Variants in AIPL1 observed in about 807,000 individuals in gnomAD.
AIPL1 encodes AIP like 1 HSP90 co-chaperone, also known as aryl-hydrocarbon-interacting protein-like 1.
In AIPL1, 23 loss-of-function variants were observed where a neutral mutation model predicts 32.9. That is an observed-to-expected ratio of 0.70 (90% CI 0.50 to 0.99). AIPL1 has a LOEUF of 0.99. Among genes scored for constraint, AIPL1 ranks in the 50% least tolerant of loss-of-function variants. AIPL1 has a pLI of 0.00. For missense variants in AIPL1, 485 were observed against 506.0 expected, an observed-to-expected ratio of 0.96 and a Z score of 0.40; for synonymous variants, 210 against 209.4, an observed-to-expected ratio of 1.00 and a Z score of -0.02.
chr17:6,435,033 G>A lies in AIPL1; in HGVS notation c.72C>T (p.Leu24=). 1 of 1,614,180 alleles carries A rather than the reference G, an allele frequency of 6.2e-7. No individual in the cohort carries two copies. Among genetic ancestry groups the A allele is most frequent in the Non-Finnish European group, 8.5e-7 (1 of 1,180,042 alleles). ...KTILHGGTGE[L]PNFITGSRVI... is the part of the protein sequence containing the mutation. The stretch of plus-strand genomic sequence containing the variant: ...CTCGGGATCCGGTGATGAAGTTTGG[G>A]AGCTCGCCCGTGCCCCCGTGCAGAA... Residue 24 remains leucine, a synonymous_variant, in exon 1 of 6, where the codon CTC becomes CTT. Transcript: ENST00000381129.
At chr17:6,426,488 G>A (rs770310659) in intron 5 of AIPL1, 127 bp downstream of exon 5, 15 of 1,517,866 alleles carry the variant, frequency 9.9e-6, no homozygotes, top group East Asian at 9.8e-5. Context: ...GGGGAAACCC[G>A]GCTGGGTGGA....
At chr17:6,430,471 A>AAAC (rs1912492414) in intron 2 of AIPL1, among the ~76,000 whole-genome samples, 2 of 150,602 alleles carry the variant, frequency 1.3e-5, no homozygotes, top group Admixed American at 1.3e-4. Context: ...AAAAAAAAAA[A>AAAC]AAAAAAAAAC....
intron 5 of AIPL1, 164 bp from the exon 6 acceptor site, chr17:6,425,994 A>T (rs1333404635): frequency 9.4e-7 from 1 of 1,067,238 alleles, no homozygotes; most frequent in Non-Finnish European, 1.3e-6. Flanking sequence ...GATGGAGATG[A>T]TGATCATAAT....
At chr17:6,430,481 C>A (rs200123705) in intron 2 of AIPL1, among the ~76,000 whole-genome samples, 625 of 76,012 alleles carry the variant, frequency 8.2e-3, no homozygotes, top group South Asian at 0.013. Flanking sequence ...AAAAAAAAAA[C>A]AGTTACCAGC....
At chr17:6,426,427 G>T (rs771762603) in intron 5 of AIPL1, 188 bp downstream of exon 5, 21 of 1,453,306 alleles carry the variant, frequency 1.4e-5, no homozygotes, top group South Asian at 8.4e-5. Flanking sequence ...ATAAAGGGCC[G>T]CCCCGCGCCA....
At position 6,426,873 on chromosome 17, in the gene AIPL1, C is replaced by T. The variant is rs781135512; in HGVS notation, c.642+8G>A. 2.5e-6 allele frequency: 4 copies of T among 1,614,104 alleles called. No individual in the cohort carries two copies. The Admixed American group carries it at 6.7e-5, about 27-fold the overall frequency. On this transcript the variant is annotated splice_region_variant and intron_variant, in intron 4 of 5. Coordinates refer to ENST00000381129, the MANE Select transcript of AIPL1 (RefSeq NM_014336.5). ...GCCACTTCCCACCCCTGGCCAGCGG[C>T]CTCTGACCTTGGTCTGCAGGTTCCT...
intron 3 of AIPL1, among the ~76,000 whole-genome samples, 181 bp from the exon 4 acceptor site, chr17:6,427,238 C>T (rs759610191): frequency 3.6e-4 from 55 of 152,196 alleles, no homozygotes; most frequent in Non-Finnish European, 6.0e-4. Flanking sequence ...TGTCTTTGTG[C>T]AAACTAGGAA....
At chr17:6,426,303 T>G in intron 5 of AIPL1, 1 of 1,356,344 alleles carries the variant, frequency 7.4e-7, no homozygotes. Flanking sequence ...AGTACCGACA[T>G]CATAATATTT....
Position 6,434,356 on chromosome 17 carries a change from C to CTTTTT in AIPL1, c.97-263_97-259dup, listed in dbSNP as rs71381392. On this transcript the variant is annotated intron_variant, in intron 1 of 5. Transcript: ENST00000381129. ...ATCCTTCCTCAAGTAAGCCCGAGTT[C>CTTTTT]TTTTTTTTTTTTTTTTTTCTGAGAC... Among the ~76,000 whole-genome samples the CTTTTT allele has an allele frequency of 6.2e-3, 655 of 104,986 alleles. 41 individuals carry two copies. Among genetic ancestry groups the CTTTTT allele is most frequent in the African/African-American group, 0.022 (591 of 26,632 alleles). 68.9% of individuals were successfully genotyped at this position (104,986 alleles called of 152,430 possible). A position where few individuals can be genotyped will look rare whatever the true frequency, so the allele number is the denominator to read the frequency against.
rs1911911557 is a variant in AIPL1 at position 6,425,998 on chromosome 17, T to C, written c.785-168A>G. On this transcript the variant is annotated intron_variant, in intron 5 of 5. Coordinates refer to ENST00000381129, the MANE Select transcript of AIPL1 (RefSeq NM_014336.5). ...CTCAACTGTAAGATGGAGATGATGA[T>C]CATAATAGCAGTACCTCCTCCTCTC... The C allele has an allele frequency of 3.8e-6, 4 of 1,058,128 alleles. No homozygotes were observed. In the African/African-American group the frequency reaches 4.8e-5, roughly 13 times the overall value. 65.5% of individuals were successfully genotyped at this position (1,058,128 alleles called of 1,614,324 possible). A position where few individuals can be genotyped will look rare whatever the true frequency, so the allele number is the denominator to read the frequency against.
At position 6,425,609 on chromosome 17, in the gene AIPL1, C is replaced by T. The variant is rs143092701; in HGVS notation, c.1006G>A (p.Ala336Thr). Residue 336 changes from alanine (A) to threonine (T), a missense_variant, in exon 6 of 6, where the codon GCA becomes ACA. Physicochemically the swap from Ala to Thr is moderately conservative, Grantham distance 58. Transcript: ENST00000381129. The part of the protein sequence containing the change: ...MLSQGATQPP[A>T]EPPTEPPAQS... Reference sequence around the variant, plus strand: ...GCGGGTGGCTCTGTGGGTGGCTCTGCGGGAGGCTGCGTGGCACCCTGGCTC... The same window carrying T: ...GCGGGTGGCTCTGTGGGTGGCTCTGTGGGAGGCTGCGTGGCACCCTGGCTC... 4,498 of 1,613,164 alleles carry T rather than the reference C, an allele frequency of 2.8e-3. 6 individuals carry two copies. Among genetic ancestry groups the T allele is most frequent in the Non-Finnish European group, 3.5e-3 (4,110 of 1,179,854 alleles).
At chr17:6,432,325 A>G (rs1421396810) in intron 2 of AIPL1, among the ~76,000 whole-genome samples, 1 of 151,950 alleles carries the variant, frequency 6.6e-6, no homozygotes, top group Non-Finnish European at 1.5e-5. Context: ...CAGTGAGCCA[A>G]GATCACGCTA....
In AIPL1 at chr17:6,425,307, G is replaced by GTT. The variant is rs77115868; in HGVS notation, c.*151_*152dup. On this transcript the variant is annotated 3_prime_UTR_variant, in exon 6 of 6. Coordinates refer to ENST00000381129, the MANE Select transcript of AIPL1 (RefSeq NM_014336.5). ...TAAGCTCTTCTGTACCCTTGGGATT[G>GTT]TTTTTTTTTTTTTTTTTACCATGGG... is the stretch of plus-strand genomic sequence containing the variant. 12,523 of 742,846 alleles carry GTT rather than the reference G, an allele frequency of 0.017. 223 individuals are homozygous for GTT. The highest frequency in any genetic ancestry group is 0.083 in the African/African-American group (4,259 of 51,608). The allele number at this position is 742,846 out of a possible 1,614,324, so 46.0% of individuals were successfully genotyped here.
intron 4 of AIPL1, 35 bp downstream of exon 4, chr17:6,426,846 G>C (rs1394069421): frequency 1.2e-6 from 2 of 1,613,252 alleles, no homozygotes; most frequent in South Asian, 2.2e-5. Flanking sequence ...CCCAGAGTCA[G>C]CGCCACTTCC....
intron 1 of AIPL1, 46 bp from the exon 2 acceptor site, chr17:6,434,144 G>C (rs1053756717): frequency 6.3e-7 from 1 of 1,598,900 alleles, no homozygotes; most frequent in African/African-American, 1.3e-5. Context: ...ACTGTTCAAG[G>C]CCCGGCAGAA....
intron 2 of AIPL1, among the ~76,000 whole-genome samples, chr17:6,433,636 C>T (rs557082908): frequency 2.0e-5 from 3 of 151,356 alleles, no homozygotes; most frequent in Non-Finnish European, 4.4e-5. Flanking sequence ...CACACACACA[C>T]ACACACACAC....
intron 3 of AIPL1, 28 bp downstream of exon 3, chr17:6,428,290 C>T: frequency 6.2e-7 from 1 of 1,602,638 alleles, no homozygotes; most frequent in Non-Finnish European, 8.5e-7. Flanking sequence ...CTGGCACAGC[C>T]CTCCAGCCCT....
In AIPL1 at chr17:6,424,778, T is replaced by TA. The variant is rs1380911315; in HGVS notation, c.*681_*682insT. 1.3e-5 allele frequency: 2 copies of TA among 152,404 alleles called. No individual in the cohort carries two copies. The highest frequency in any genetic ancestry group is 6.5e-5 in the Admixed American group (1 of 15,308). 9.4% of individuals were successfully genotyped at this position (152,404 alleles called of 1,614,324 possible). ...TGAGGTTTCACCATGTTGGCCAGGC[T>TA]GGTCTGGAACTCCTGACCTCAGGTG... On this transcript the variant is annotated 3_prime_UTR_variant, in exon 6 of 6. Coordinates refer to ENST00000381129, the MANE Select transcript of AIPL1 (RefSeq NM_014336.5).
rs568829263 is a variant in AIPL1, at chr17:6,430,313, C to T, written c.277-1807G>A. On this transcript the variant is annotated intron_variant, in intron 2 of 5. Transcript: ENST00000381129. ...TCTACTAAAAATACAAAAATTGGCC[C>T]GGTGTGGTGGTGAGCACCTATAATT... is the stretch of plus-strand genomic sequence containing the variant. Among the ~76,000 whole-genome samples the T allele has an allele frequency of 2.5e-4, 38 of 151,714 alleles. 1 individual carries two copies. In the South Asian group the frequency reaches 5.2e-3, roughly 21 times the overall value.
Sources: allele counts gnomAD v4.1 joint callset (sites outside exome capture counted in the v4.1 genomes callset), GRCh38; gene constraint gnomAD v4.1.1; transcripts MANE v1.5; gene names NCBI Gene and HGNC (gene_info 2026-07-23, HGNC 2026-07-21).